The following SCFD2 variants were observed in gnomAD, a reference collection of about 807,000 sequenced individuals.
The protein encoded by SCFD2 is sec1 family domain containing 2.
A neutral mutation model predicts 58.9 loss-of-function variants in SCFD2; 54 were observed. The observed-to-expected ratio is 0.92, with a 90% CI of 0.74 to 1.15. SCFD2 has a LOEUF of 1.15. Among genes scored for constraint, SCFD2 ranks in the 50% most tolerant of loss-of-function variants. SCFD2 has a pLI of 0.00. For synonymous variants in SCFD2, 321 were observed against 335.9 expected (o/e 0.96, Z 0.49); for missense variants, 805 against 836.6 (o/e 0.96, Z 0.47).
intron 1 of SCFD2, among the ~76,000 whole-genome samples, chr4:53,356,853 C>T (rs73154934): frequency 0.12 from 18,300 of 151,472 alleles, 2,091 homozygotes; most frequent in African/African-American, 0.28. Flanking sequence ...TCTCCTGCCT[C>T]AGCCTCCGGA....
intron 4 of SCFD2, among the ~76,000 whole-genome samples, chr4:53,165,710 A>G (rs1489512584): frequency 2.0e-5 from 3 of 152,194 alleles, no homozygotes; most frequent in Non-Finnish European, 4.4e-5. Flanking sequence ...TGATTTCACT[A>G]AAACACTCAC....
At chr4:53,026,743 C>T (rs927766571) in intron 5 of SCFD2, among the ~76,000 whole-genome samples, 8 of 152,060 alleles carry the variant, frequency 5.3e-5, no homozygotes, top group African/African-American at 1.7e-4. Context: ...AGTAGTACTG[C>T]CATTACTTGA....
At chr4:52,925,199 A>C (rs553161779) in intron 5 of SCFD2, among the ~76,000 whole-genome samples, 3 of 152,062 alleles carry the variant, frequency 2.0e-5, no homozygotes, top group African/African-American at 7.2e-5. Flanking sequence ...GTCTAACTCC[A>C]AAGTTGGTCC....
At chr4:53,324,626 G>A (rs1038334004) in intron 2 of SCFD2, among the ~76,000 whole-genome samples, 1 of 152,048 alleles carries the variant, frequency 6.6e-6, no homozygotes, top group Non-Finnish European at 1.5e-5. Context: ...GATTTTGTGG[G>A]AAGGAATGGC....
intron 5 of SCFD2, among the ~76,000 whole-genome samples, chr4:52,924,847 G>C (rs544943644): frequency 6.6e-6 from 1 of 152,286 alleles, no homozygotes; most frequent in East Asian, 1.9e-4. Context: ...ACTTCTCCAT[G>C]TATGCTGCCT....
Position 53,203,060 on chromosome 4 carries a change from T to C in SCFD2, c.1312-57478A>G, listed in dbSNP as rs185697950. Among the ~76,000 whole-genome samples, 309 of 152,310 alleles carry C rather than the reference T, an allele frequency of 2.0e-3. 1 individual carries two copies. Among genetic ancestry groups the C allele is most frequent in the African/African-American group, 7.1e-3 (296 of 41,556 alleles). On this transcript the variant is annotated intron_variant, in intron 4 of 8. Coordinates refer to ENST00000401642, the MANE Select transcript of SCFD2 (RefSeq NM_152540.4). ...TTGCCCTGGCCAGAACTTCCAACACTACGTTGAATAGGAGTGGTGAGGGAG... is the reference window on the plus strand; with the variant it reads ...TTGCCCTGGCCAGAACTTCCAACACCACGTTGAATAGGAGTGGTGAGGGAG...
intron 3 of SCFD2, among the ~76,000 whole-genome samples, chr4:53,291,700 G>A (rs1004815011): frequency 6.6e-6 from 1 of 151,794 alleles, no homozygotes; most frequent in African/African-American, 2.4e-5. Flanking sequence ...GAACAAAGCT[G>A]GAGGCATCAT....
At chr4:53,318,500 G>A (rs1732929261) in intron 2 of SCFD2, among the ~76,000 whole-genome samples, 1 of 152,078 alleles carries the variant, frequency 6.6e-6, no homozygotes, top group African/African-American at 2.4e-5. Flanking sequence ...AATACAGACA[G>A]ATGAAAAATC....
chr4:52,876,313 G>A (rs751527196), intron 8 of SCFD2, among the ~76,000 whole-genome samples: 2 of 152,210 alleles, frequency 1.3e-5, no homozygotes, highest in Non-Finnish European at 2.9e-5. Context: ...TTGTGGTTTT[G>A]TGATTTGGTC....
chr4:52,937,872 G>A (rs976814378), intron 5 of SCFD2, among the ~76,000 whole-genome samples: 3 of 152,138 alleles, frequency 2.0e-5, no homozygotes, highest in Non-Finnish European at 4.4e-5. Flanking sequence ...AAAATTCAAG[G>A]TTGGTTAAGG....
intron 4 of SCFD2, among the ~76,000 whole-genome samples, chr4:53,179,654 T>G (rs1727473017): frequency 6.6e-6 from 1 of 152,112 alleles, no homozygotes; most frequent in South Asian, 2.1e-4. Flanking sequence ...ATAACAATAT[T>G]AACTTTAAAT....
intron 5 of SCFD2, among the ~76,000 whole-genome samples, chr4:52,952,775 T>C (rs1182752676): frequency 6.6e-6 from 1 of 152,116 alleles, no homozygotes; most frequent in Non-Finnish European, 1.5e-5. Context: ...TGGAAACAGG[T>C]CCATTAGAAA....
chr4:52,982,033 G>C lies in SCFD2; in HGVS notation c.1562-61163C>G, dbSNP rs141636089. Among the ~76,000 whole-genome samples, 319 of 152,262 alleles carry C rather than the reference G, an allele frequency of 2.1e-3. 1 individual carries two copies. The highest frequency in any genetic ancestry group is 7.2e-3 in the African/African-American group (299 of 41,540). ...GAGGACTTACGGACAGTAAGGAAGAGGAATGGATCAAGGATGACTCTTATG... is the reference window on the plus strand; with the variant it reads ...GAGGACTTACGGACAGTAAGGAAGACGAATGGATCAAGGATGACTCTTATG... On this transcript the variant is annotated intron_variant, in intron 5 of 8. Coordinates refer to ENST00000401642, the MANE Select transcript of SCFD2 (RefSeq NM_152540.4).
At chr4:53,191,936 A>G (rs1178774011) in intron 4 of SCFD2, among the ~76,000 whole-genome samples, 3 of 152,158 alleles carry the variant, frequency 2.0e-5, no homozygotes, top group African/African-American at 7.2e-5. Context: ...AAATGGAAAG[A>G]TAAGTTTAGC....
chr4:53,173,834 T>C (rs1292039786), intron 4 of SCFD2, among the ~76,000 whole-genome samples: 5 of 152,146 alleles, frequency 3.3e-5, no homozygotes, highest in African/African-American at 9.7e-5. Context: ...TTTGATCACA[T>C]ACACCTCTAC....
At chr4:53,158,446 C>T (rs1726754457) in intron 4 of SCFD2, among the ~76,000 whole-genome samples, 1 of 152,148 alleles carries the variant, frequency 6.6e-6, no homozygotes, top group African/African-American at 2.4e-5. Flanking sequence ...GCTCTTCATC[C>T]TCTACATCCT....
intron 3 of SCFD2, 77 bp downstream of exon 3, chr4:53,313,559 G>A: frequency 6.4e-7 from 1 of 1,567,518 alleles, no homozygotes; most frequent in South Asian, 1.1e-5. Context: ...TTCCATGTTG[G>A]CTAGCTTGGC....
chr4:53,135,151 G>A (rs1725899288), intron 5 of SCFD2, among the ~76,000 whole-genome samples: 1 of 152,052 alleles, frequency 6.6e-6, no homozygotes, highest in African/African-American at 2.4e-5. Context: ...AAAGTACAGG[G>A]CATCATTTTA....
chr4:53,296,196 A>C (rs1468341349), intron 3 of SCFD2, among the ~76,000 whole-genome samples: 1 of 152,216 alleles, frequency 6.6e-6, no homozygotes, highest in Non-Finnish European at 1.5e-5. Flanking sequence ...TGATTGGAAT[A>C]GTTTCAGAAG....
Sources: allele counts gnomAD v4.1 joint callset (sites outside exome capture counted in the v4.1 genomes callset), GRCh38; gene constraint gnomAD v4.1.1; transcripts MANE v1.5; gene names NCBI Gene and HGNC (gene_info 2026-07-23, HGNC 2026-07-21).